CHST15: variants seen among roughly 807,000 people sequenced by gnomAD.
CHST15 encodes the protein carbohydrate sulfotransferase 15, also known as B cell RAG associated protein (GALNAC4S-6ST).
Under a neutral mutation model 53.6 loss-of-function variants are expected in CHST15, and 30 were observed. The observed-to-expected ratio is 0.56, with a 90% CI of 0.42 to 0.76. The LOEUF (loss-of-function observed/expected upper bound fraction) is 0.76, where lower values mean the gene tolerates loss of function less well. Among genes scored for constraint, CHST15 ranks in the 30% least tolerant of loss-of-function variants. The probability of loss-of-function intolerance (pLI) is 0.00; values close to 1 mark genes in which losing one functional copy is unlikely to be tolerated. For missense variants in CHST15, 627 were observed against 740.5 expected (o/e 0.85, Z 1.78); for synonymous variants, 296 against 289.8 (o/e 1.02, Z -0.22).
intron 1 of CHST15, among the ~76,000 whole-genome samples, chr10:124,057,665 C>G (rs1412366738): frequency 1.4e-4 from 22 of 152,210 alleles, no homozygotes; most frequent in Admixed American, 1.4e-3. Flanking sequence ...CACCCAGCCC[C>G]AGAGAATCTG....
At position 124,042,368 on chromosome 10, in the gene CHST15, G is replaced by C. The variant is rs200528082; in HGVS notation, c.966C>G (p.His322Gln). The C allele has an allele frequency of 1.9e-4, 314 of 1,614,222 alleles. No homozygotes were observed. The highest frequency in any genetic ancestry group is 2.6e-4 in the Non-Finnish European group (305 of 1,180,032). ...DYLDLFDLAA[H>Q]QIHQGLQASS... is the part of the protein sequence containing the mutation. Reference sequence around the variant, plus strand: ...TGGCCTGCAGTCCTTGATGGATCTGGTGTGCGGCCAGGTCAAAGAGGTCCA... The same window carrying C: ...TGGCCTGCAGTCCTTGATGGATCTGCTGTGCGGCCAGGTCAAAGAGGTCCA... The change falls in exon 4 of 8, where the codon CAC (histidine) becomes CAG (glutamine). Residue 322 changes from histidine to glutamine, a missense_variant. His to Gln is a conservative substitution (Grantham distance 24). Transcript: ENST00000435907.
At chr10:124,064,329 T>A (rs6588753) in intron 1 of CHST15, among the ~76,000 whole-genome samples, 109,254 of 152,150 alleles carry the variant, frequency 0.72, 40,061 homozygotes, top group African/African-American at 0.87. Context: ...TCATTTCAGA[T>A]TAAGTAAGAA....
chr10:124,050,940 T>G (rs1235503090), intron 1 of CHST15, among the ~76,000 whole-genome samples: 2 of 152,068 alleles, frequency 1.3e-5, no homozygotes, highest in African/African-American at 4.8e-5. Flanking sequence ...GAAGGCATAC[T>G]ACATATTCTT....
intron 1 of CHST15, among the ~76,000 whole-genome samples, chr10:124,071,518 A>C (rs766291996): frequency 1.7e-4 from 26 of 152,246 alleles, no homozygotes; most frequent in Non-Finnish European, 2.9e-4. Flanking sequence ...CCTAGGTTAA[A>C]TGTTCCAGGT....
At chr10:124,084,907 C>T (rs1390958401) in intron 1 of CHST15, among the ~76,000 whole-genome samples, 1 of 152,186 alleles carries the variant, frequency 6.6e-6, no homozygotes, top group Admixed American at 6.5e-5. Flanking sequence ...TCCACCCCAC[C>T]GCCCTGAGCC....
Position 124,070,115 on chromosome 10 carries a change from A to G in CHST15, c.-513+23354T>C, listed in dbSNP as rs61567980. 5.5e-3 allele frequency among the ~76,000 whole-genome samples: 840 copies of G among 152,318 alleles called. 6 individuals are homozygous for G. Among genetic ancestry groups the G allele is most frequent in the African/African-American group, 0.019 (796 of 41,568 alleles). On this transcript the variant is annotated intron_variant, in intron 1 of 7. Coordinates refer to ENST00000435907, the MANE Select transcript of CHST15 (RefSeq NM_001270764.2). ...AGGACAGGATTTTTCTTTGCAATGG[A>G]AAGTAGTTGCTGTGTTGTCCAAGAA...
intron 1 of CHST15, among the ~76,000 whole-genome samples, chr10:124,089,129 T>C (rs1949527811): frequency 6.6e-6 from 1 of 152,128 alleles, no homozygotes; most frequent in Non-Finnish European, 1.5e-5. Flanking sequence ...GAGTGACCCT[T>C]TGAAGTAACT....
Position 124,046,102 on chromosome 10 carries a change from G to A in CHST15, c.111C>T (p.Cys37=), listed in dbSNP as rs778895190. 3 of 1,614,086 alleles carry A rather than the reference G, an allele frequency of 1.9e-6. No individual in the cohort carries two copies. The highest frequency in any genetic ancestry group is 1.7e-5 in the Admixed American group (1 of 60,006). The change falls in exon 2 of 8, where the codon TGC becomes TGT. Residue 37 remains cysteine, a synonymous_variant. Coordinates refer to ENST00000435907, the MANE Select transcript of CHST15 (RefSeq NM_001270764.2). ...GAAACAGAATTTTGTTTTCTCCTTT[G>A]CACGTGGGGCACGCCTGGTGACCGT... ...PHHGHQACPT[C]KGENKILFRV...
chr10:124,057,978 C>A (rs1355677202), intron 1 of CHST15, among the ~76,000 whole-genome samples: 1 of 150,622 alleles, frequency 6.6e-6, no homozygotes, highest in African/African-American at 2.5e-5. Context: ...TTCTCCCCCC[C>A]AATGATTTCA....
intron 1 of CHST15, among the ~76,000 whole-genome samples, chr10:124,049,266 C>A (rs1233605592): frequency 6.6e-6 from 1 of 152,212 alleles, no homozygotes; most frequent in Non-Finnish European, 1.5e-5. Flanking sequence ...TCCTCGGGTA[C>A]TGGTACACAG....
chr10:124,021,085 G>C lies in CHST15; in HGVS notation c.1347+171C>G, dbSNP rs1447363682. On this transcript the variant is annotated intron_variant, in intron 6 of 7. Transcript: ENST00000435907. ...CAGGAGCCAGACCAAGAGCCCATCA[G>C]TTTTCAGCTTTTACATCCATGAATA... 3 of 1,474,978 alleles carry C rather than the reference G, an allele frequency of 2.0e-6. No individual in the cohort carries two copies. The African/African-American group carries it at 4.2e-5, about 21-fold the overall frequency. The allele number at this position is 1,474,978 out of a possible 1,614,324, so 91.4% of individuals were successfully genotyped here. A position where few individuals can be genotyped will look rare whatever the true frequency, so the allele number is the denominator to read the frequency against.
chr10:124,025,854 G>A (rs1476810460), intron 5 of CHST15, among the ~76,000 whole-genome samples: 3 of 152,176 alleles, frequency 2.0e-5, no homozygotes, highest in South Asian at 2.1e-4. Context: ...AGGACTGCTG[G>A]AGGCCACCAA....
At chr10:124,028,723 G>A (rs1308280060) in intron 5 of CHST15, among the ~76,000 whole-genome samples, 1 of 152,212 alleles carries the variant, frequency 6.6e-6, no homozygotes, top group African/African-American at 2.4e-5. Flanking sequence ...GGCGCTTGGT[G>A]GCCTTGAGCT....
chr10:124,089,493 C>A (rs1949537705), intron 1 of CHST15, among the ~76,000 whole-genome samples: 1 of 152,070 alleles, frequency 6.6e-6, no homozygotes, highest in Non-Finnish European at 1.5e-5. Flanking sequence ...GGCCTCAGCC[C>A]AGTACAGTGG....
At chr10:124,025,665 G>A (rs1006942631) in intron 5 of CHST15, among the ~76,000 whole-genome samples, 2 of 152,174 alleles carry the variant, frequency 1.3e-5, no homozygotes, top group Non-Finnish European at 2.9e-5. Flanking sequence ...GACCTTTCTT[G>A]GAAATAGGGT....
rs984279456 is a variant in CHST15, at chr10:124,046,409, G to A, written c.-197C>T. The A allele has an allele frequency of 9.2e-6, 5 of 544,512 alleles. No homozygotes were observed. The highest frequency in any genetic ancestry group is 7.7e-5 in the African/African-American group (4 of 52,084). The allele number at this position is 544,512 out of a possible 1,614,324, so 33.7% of individuals were successfully genotyped here. A position where few individuals can be genotyped will look rare whatever the true frequency, so the allele number is the denominator to read the frequency against. ...GGTGCACATTCTTTGGTTCAGCTCC[G>A]AAAGAAAACAAAAGGAAGTGATGTC... On this transcript the variant is annotated 5_prime_UTR_variant, in exon 2 of 8. Transcript: ENST00000435907.
intron 1 of CHST15, among the ~76,000 whole-genome samples, chr10:124,085,393 A>G (rs921595376): frequency 2.6e-5 from 4 of 152,214 alleles, no homozygotes; most frequent in African/African-American, 9.7e-5. Flanking sequence ...ATGTTTTAAT[A>G]GCCCCAAAAC....
chr10:124,057,324 C>T (rs969731168), intron 1 of CHST15, among the ~76,000 whole-genome samples: 1 of 152,206 alleles, frequency 6.6e-6, no homozygotes, highest in Non-Finnish European at 1.5e-5. Context: ...GTTGACTAGC[C>T]GGCGCAGCGC....
intron 7 of CHST15, chr10:124,011,102 C>G: frequency 5.1e-6 from 5 of 982,900 alleles, no homozygotes; most frequent in Non-Finnish European, 6.0e-6. Flanking sequence ...ACGCCCCGCC[C>G]TCTGGAGTGA....
Sources: gnomAD v4.1 joint callset for allele counts (sites outside exome capture counted in the v4.1 genomes callset) on GRCh38, gnomAD v4.1.1 for gene constraint, MANE v1.5 for transcripts, NCBI Gene and HGNC (gene_info 2026-07-23, HGNC 2026-07-21) for gene names.